DLST: variants seen among roughly 807,000 people sequenced by gnomAD.
DLST encodes the protein dihydrolipoyllysine-residue succinyltransferase component of 2-oxoglutarate dehydrogenase complex, mitochondrial.
A neutral mutation model predicts 53.1 loss-of-function variants in DLST; 17 were observed. The observed-to-expected ratio is 0.32, with a 90% CI of 0.22 to 0.48. The LOEUF (loss-of-function observed/expected upper bound fraction) is 0.48, where lower values mean the gene tolerates loss of function less well. DLST is among the 20% of genes least tolerant of loss of function. The pLI, the probability that DLST is intolerant of heterozygous loss-of-function variation, is 0.99. For synonymous variants in DLST, 206 were observed against 204.8 expected, an observed-to-expected ratio of 1.01 and a Z score of -0.05; for missense variants, 512 against 583.9, an observed-to-expected ratio of 0.88 and a Z score of 1.27.
rs892651594 is a variant in DLST, at chr14:74,883,489, T to G, written c.97+865T>G. Among the ~76,000 whole-genome samples the G allele has an allele frequency of 2.6e-5, 4 of 151,954 alleles. No homozygotes were observed. The South Asian group carries it at 8.3e-4, about 32-fold the overall frequency. ...GAGAGTGGCAAGAGATAGAAGATGGTATAGAGACTGAAGGAGTTTAGATTT... is the reference window on the plus strand; with the variant it reads ...GAGAGTGGCAAGAGATAGAAGATGGGATAGAGACTGAAGGAGTTTAGATTT... On this transcript the variant is annotated intron_variant, in intron 2 of 14. Transcript: ENST00000334220.
chr14:74,882,061 T>A, intron 1 of DLST, 45 bp downstream of exon 1: 2 of 1,459,904 alleles, frequency 1.4e-6, no homozygotes, highest in Non-Finnish European at 1.8e-6. Flanking sequence ...AGGAGTCTGT[T>A]GGCGGGCAGA....
chr14:74,901,299 C>G, intron 14 of DLST, 66 bp downstream of exon 14: 1 of 1,454,702 alleles, frequency 6.9e-7, no homozygotes, highest in Non-Finnish European at 9.4e-7. Flanking sequence ...CAACTAAATG[C>G]TAATTGTAAA....
intron 14 of DLST, among the ~76,000 whole-genome samples, chr14:74,901,669 T>G (rs1182270811): frequency 1.3e-5 from 2 of 152,180 alleles, no homozygotes; most frequent in Non-Finnish European, 2.9e-5. Flanking sequence ...TAAAAGGGGC[T>G]TGAGCTGGCC....
chr14:74,887,941 G>T (rs1253587284), intron 3 of DLST, among the ~76,000 whole-genome samples: 3 of 152,164 alleles, frequency 2.0e-5, no homozygotes, highest in Non-Finnish European at 4.4e-5. Context: ...AATGCTTGTT[G>T]TGGAATATTC....
At chr14:74,889,838 G>T (rs761415175) in intron 5 of DLST, 59 bp from the exon 6 acceptor site, 2 of 1,569,874 alleles carry the variant, frequency 1.3e-6, no homozygotes, top group Non-Finnish European at 1.7e-6. Context: ...AATGGGTTTT[G>T]TGGCTACTGG....
intron 5 of DLST, chr14:74,889,574 TTGGTCAGGC>T: frequency 1.8e-6 from 1 of 542,498 alleles, no homozygotes; most frequent in Non-Finnish European, 3.2e-6. Context: ...TTTCACCATG[TTGGTCAGGC>T]TGGTCTCAAA....
intron 3 of DLST, among the ~76,000 whole-genome samples, chr14:74,886,253 C>T (rs1883700361): frequency 6.6e-6 from 1 of 152,246 alleles, no homozygotes; most frequent in South Asian, 2.1e-4. Flanking sequence ...AGGCTGCTTA[C>T]TCTACAGGGA....
rs1359888723 is a variant in DLST at position 74,892,917 on chromosome 14, C to T, written c.526C>T (p.Pro176Ser). Residue 176 changes from proline to serine, a missense_variant, in exon 8 of 15, where the codon CCT (proline) becomes TCT (serine). Pro to Ser is a moderately conservative substitution (Grantham distance 74). This residue lies in a region of DLST where 162 missense variants were observed against 162.0 expected (regional missense o/e 1.00). Coordinates refer to ENST00000334220, the MANE Select transcript of DLST (RefSeq NM_001933.5). ...AEPTAAAVPP[P>S]AAPIPTQMPP... ...ACCTACAGCAGCGGCAGTTCCTCCC[C>T]CTGCAGCACCCATACCCACTCAGAT... 1 of 1,614,160 alleles carries T rather than the reference C, an allele frequency of 6.2e-7. No individual in the cohort carries two copies.
rs188219981 is a variant in DLST at position 74,901,095 on chromosome 14, T to C, written c.1089T>C (p.Asp363=). The stretch of plus-strand genomic sequence containing the variant: ...GAAAGAATGAACTTGCCATTGAAGA[T>C]ATGGATGGCGGTACCTTCACCATTA... ...KARKNELAIE[D]MDGGTFTISN... The change falls in exon 14 of 15, where the codon GAT becomes GAC. Residue 363 remains aspartate, a synonymous_variant. Coordinates refer to ENST00000334220, the MANE Select transcript of DLST (RefSeq NM_001933.5). The C allele has an allele frequency of 2.5e-6, 4 of 1,613,926 alleles. No individual in the cohort carries two copies. The highest frequency in any genetic ancestry group is 1.7e-4 in the Middle Eastern group (1 of 6,060).
intron 10 of DLST, 27 bp downstream of exon 10, chr14:74,894,436 CT>C (rs1171013580): frequency 1.2e-6 from 2 of 1,604,528 alleles, no homozygotes; most frequent in East Asian, 2.2e-5. Flanking sequence ...CTCTTATCCC[CT>C]AGGCCCCTTT....
intron 11 of DLST, among the ~76,000 whole-genome samples, 170 bp downstream of exon 11, chr14:74,898,669 T>C (rs1457601584): frequency 1.3e-5 from 2 of 152,258 alleles, no homozygotes; most frequent in Non-Finnish European, 2.9e-5. Context: ...AGCAGCATCA[T>C]GATTACTTTC....
At position 74,902,629 on chromosome 14, in the gene DLST, A is replaced by T; in HGVS notation, c.*299A>T. 1 of 239,654 alleles carries T rather than the reference A, an allele frequency of 4.2e-6. No individual in the cohort carries two copies. The highest frequency in any genetic ancestry group is 8.0e-6 in the Non-Finnish European group (1 of 124,230). 14.8% of individuals were successfully genotyped at this position (239,654 alleles called of 1,614,324 possible). A position where few individuals can be genotyped will look rare whatever the true frequency, so the allele number is the denominator to read the frequency against. Reference sequence around the variant, plus strand: ...CCTTTCTTCCATCAGCTCTCTGCAAAGATGATTTTGCTTTTCCCTAGTGCT... The same window carrying T: ...CCTTTCTTCCATCAGCTCTCTGCAATGATGATTTTGCTTTTCCCTAGTGCT... On this transcript the variant is annotated 3_prime_UTR_variant, in exon 15 of 15. Coordinates refer to ENST00000334220, the MANE Select transcript of DLST (RefSeq NM_001933.5).
intron 6 of DLST, among the ~76,000 whole-genome samples, chr14:74,890,201 C>G (rs1046821509): frequency 1.4e-5 from 2 of 140,832 alleles, no homozygotes; most frequent in African/African-American, 5.5e-5. Context: ...GATCTCAGCT[C>G]ACTGCAACCT....
At chr14:74,887,528 TAATA>T (rs780862745) in intron 3 of DLST, among the ~76,000 whole-genome samples, 57 of 152,372 alleles carry the variant, frequency 3.7e-4, no homozygotes, top group African/African-American at 7.0e-4. Context: ...CCACTTTATT[TAATA>T]AATCTTTTAT....
chr14:74,900,516 T>TTA, intron 13 of DLST, 144 bp downstream of exon 13: 1 of 670,250 alleles, frequency 1.5e-6, no homozygotes, highest in Non-Finnish European at 2.6e-6. Context: ...GCTAAGTATT[T>TTA]TATATATCTG....
At chr14:74,882,357 C>T (rs999186661) in intron 1 of DLST, among the ~76,000 whole-genome samples, 1 of 152,200 alleles carries the variant, frequency 6.6e-6, no homozygotes, top group Non-Finnish European at 1.5e-5. Flanking sequence ...GCGCCCGTCT[C>T]GTCTTGCTCT....
intron 12 of DLST, 142 bp downstream of exon 12, chr14:74,900,138 A>T: frequency 1.9e-6 from 2 of 1,072,826 alleles, no homozygotes; most frequent in Admixed American, 2.1e-5. Context: ...TTTCTTTTAA[A>T]CCATGCCGCA....
chr14:74,884,503 A>G (rs1883638259), intron 2 of DLST, among the ~76,000 whole-genome samples: 1 of 152,306 alleles, frequency 6.6e-6, no homozygotes, highest in South Asian at 2.1e-4. Flanking sequence ...TGAAATGGGA[A>G]TAATGGCAGA....
chr14:74,887,895 A>G (rs1883761896), intron 3 of DLST, among the ~76,000 whole-genome samples: 1 of 152,252 alleles, frequency 6.6e-6, no homozygotes, highest in African/African-American at 2.4e-5. Context: ...AAATACCTAA[A>G]GACAACTTAA....
Sources: allele counts gnomAD v4.1 joint callset (sites outside exome capture counted in the v4.1 genomes callset), GRCh38; gene constraint gnomAD v4.1.1; regional missense constraint gnomAD v4.1.1; transcripts MANE v1.5; gene names NCBI Gene and HGNC (gene_info 2026-07-23, HGNC 2026-07-21).